RORA: variants seen among roughly 807,000 people sequenced by gnomAD.
RORA encodes the protein RAR related orphan receptor A.
Under a neutral mutation model 69.5 loss-of-function variants are expected in RORA, and 7 were observed. The ratio of observed to expected loss-of-function variants is 0.10; its 90% confidence interval spans 0.06 to 0.19. The LOEUF (loss-of-function observed/expected upper bound fraction) is 0.19, where lower values mean the gene tolerates loss of function less well. RORA is among the 10% of genes least tolerant of loss of function. RORA has a pLI of 1.00. For synonymous variants in RORA, 261 were observed against 240.8 expected, an observed-to-expected ratio of 1.08 and a Z score of -0.78; for missense variants, 457 against 663.0, an observed-to-expected ratio of 0.69 and a Z score of 3.41.
At chr15:60,743,849 C>A (rs1261440191) in intron 1 of RORA, among the ~76,000 whole-genome samples, 1 of 152,164 alleles carries the variant, frequency 6.6e-6, no homozygotes, top group Non-Finnish European at 1.5e-5. Context: ...CTCTTGTCTT[C>A]TAGGGAGAAG....
At chr15:60,660,095 C>T (rs1000647168) in intron 2 of RORA, among the ~76,000 whole-genome samples, 37 of 152,050 alleles carry the variant, frequency 2.4e-4, no homozygotes, top group African/African-American at 8.7e-4. Flanking sequence ...CAGTTTTTGG[C>T]TTGAATTAGC....
At chr15:60,806,188 C>G (rs2072657498) in intron 1 of RORA, among the ~76,000 whole-genome samples, 1 of 152,044 alleles carries the variant, frequency 6.6e-6, no homozygotes, top group Non-Finnish European at 1.5e-5. Flanking sequence ...TGTTAAGAAC[C>G]CAAGGCGGGA....
intron 2 of RORA, among the ~76,000 whole-genome samples, chr15:60,551,659 T>C (rs1414584102): frequency 6.6e-6 from 1 of 152,246 alleles, no homozygotes; most frequent in East Asian, 1.9e-4. Context: ...TAGTAAATCA[T>C]AGTTTTTGTT....
At chr15:60,924,165 T>C (rs1241376969) in intron 1 of RORA, among the ~76,000 whole-genome samples, 1 of 151,916 alleles carries the variant, frequency 6.6e-6, no homozygotes, top group African/African-American at 2.4e-5. Flanking sequence ...TTTCAGCTTG[T>C]TGACAACTTA....
At chr15:60,588,749 A>G (rs1324585770) in intron 2 of RORA, among the ~76,000 whole-genome samples, 3 of 152,148 alleles carry the variant, frequency 2.0e-5, no homozygotes, top group Admixed American at 6.6e-5. Context: ...CTAAATGACT[A>G]TTTCTGTTTA....
intron 1 of RORA, among the ~76,000 whole-genome samples, chr15:60,831,851 G>A (rs2073046373): frequency 6.6e-6 from 1 of 152,180 alleles, no homozygotes; most frequent in Admixed American, 6.5e-5. Flanking sequence ...AAACAAGCGA[G>A]TAAGGTTCAA....
At chr15:60,582,776 G>A (rs772841292) in intron 2 of RORA, among the ~76,000 whole-genome samples, 6 of 152,178 alleles carry the variant, frequency 3.9e-5, no homozygotes, top group East Asian at 1.9e-4. Context: ...AGATTAATAC[G>A]CAGACCAGGT....
intron 1 of RORA, among the ~76,000 whole-genome samples, chr15:61,138,475 C>G (rs142675260): frequency 6.6e-6 from 1 of 152,316 alleles, no homozygotes; most frequent in East Asian, 1.9e-4. Flanking sequence ...GAAGACCACT[C>G]TGAAAATGCT....
Position 61,190,825 on chromosome 15 carries a change from G to C in RORA, c.166+38228C>G, listed in dbSNP as rs1387059135. On this transcript the variant is annotated intron_variant, in intron 1 of 10. Transcript: ENST00000335670. ...CCAGTGGGTATATTACAGAATGCTT[G>C]CATGTATGTGTGTGTGTGTATGGTT... 2.0e-5 allele frequency among the ~76,000 whole-genome samples: 3 copies of C among 152,202 alleles called. No individual in the cohort carries two copies. The East Asian group carries it at 5.8e-4, about 29-fold the overall frequency.
intron 1 of RORA, among the ~76,000 whole-genome samples, chr15:60,904,762 T>G (rs1891485584): frequency 1.3e-5 from 2 of 152,184 alleles, no homozygotes; most frequent in Non-Finnish European, 2.9e-5. Flanking sequence ...CACGGGCTGC[T>G]ATCCTGTCAC....
At chr15:61,119,439 C>T (rs12906513) in intron 1 of RORA, among the ~76,000 whole-genome samples, 1 of 150,348 alleles carries the variant, frequency 6.7e-6, no homozygotes, top group African/African-American at 2.5e-5. Context: ...TACACACACA[C>T]AAATATATAT....
chr15:60,906,629 A>G (rs1018880288), intron 1 of RORA, among the ~76,000 whole-genome samples: 3 of 152,148 alleles, frequency 2.0e-5, no homozygotes, highest in Non-Finnish European at 4.4e-5. Context: ...GCCAGACTGT[A>G]TCAGAGGCAA....
rs907893807 is a variant in RORA, at chr15:61,061,080, G to A, written c.166+167973C>T. Among the ~76,000 whole-genome samples, 24 of 152,180 alleles carry A rather than the reference G, an allele frequency of 1.6e-4. No homozygotes were observed. Among genetic ancestry groups the A allele is most frequent in the Admixed American group, 3.3e-4 (5 of 15,270 alleles). On this transcript the variant is annotated intron_variant, in intron 1 of 10. Transcript: ENST00000335670. The surrounding 1 kb of genome is among the most constrained non-coding windows in gnomAD (Gnocchi z 4.4). ...TTAAAGGGCATTGCAAGGGCTGGGC[G>A]CGGTGGCTCGTGCCTGTAATCCCAG...
chr15:60,775,983 A>G (rs1385586077), intron 1 of RORA, among the ~76,000 whole-genome samples: 1 of 152,238 alleles, frequency 6.6e-6, no homozygotes, highest in African/African-American at 2.4e-5. Flanking sequence ...AGGAGGCGTC[A>G]GATGTGCAGA....
At chr15:60,876,861 G>A (rs763873100) in intron 1 of RORA, among the ~76,000 whole-genome samples, 19 of 152,088 alleles carry the variant, frequency 1.2e-4, no homozygotes, top group Non-Finnish European at 2.1e-4. Context: ...TAAATTTTGT[G>A]GATATTGGAC....
At chr15:60,553,238 C>T (rs2067271943) in intron 2 of RORA, among the ~76,000 whole-genome samples, 1 of 152,100 alleles carries the variant, frequency 6.6e-6, no homozygotes, top group Non-Finnish European at 1.5e-5. Context: ...ACTGCTTTAT[C>T]CTGGGATTAC....
intron 2 of RORA, among the ~76,000 whole-genome samples, chr15:60,586,033 T>A (rs2068324747): frequency 6.6e-6 from 1 of 152,210 alleles, no homozygotes; most frequent in Non-Finnish European, 1.5e-5. Context: ...GAAATGCTTC[T>A]AATGTTCCTT....
intron 1 of RORA, among the ~76,000 whole-genome samples, chr15:61,090,291 T>A (rs2078686530): frequency 2.0e-5 from 3 of 152,154 alleles, no homozygotes; most frequent in Non-Finnish European, 2.9e-5. Context: ...AACTAGATGA[T>A]CCCAAAGCTA....
At chr15:60,684,118 G>A (rs1248599292) in intron 1 of RORA, among the ~76,000 whole-genome samples, 1 of 151,466 alleles carries the variant, frequency 6.6e-6, no homozygotes, top group Non-Finnish European at 1.5e-5. Context: ...AGTAAGAGGT[G>A]GCATTTTTCC....
Sources: gnomAD v4.1 joint callset for allele counts (sites outside exome capture counted in the v4.1 genomes callset) on GRCh38, gnomAD v4.1.1 for gene constraint, Gnocchi (gnomAD v3.1) non-coding constraint, MANE v1.5 for transcripts, NCBI Gene and HGNC (gene_info 2026-07-23, HGNC 2026-07-21) for gene names.